The following LRP1B variants were observed in gnomAD, a reference collection of about 807,000 sequenced individuals.
LRP1B encodes LDL receptor related protein 1B, also known as low-density lipoprotein receptor-related protein 1B.
In LRP1B, 217 loss-of-function variants were observed where a neutral mutation model predicts 556.6. The ratio of observed to expected loss-of-function variants is 0.39; its 90% CI spans 0.35 to 0.44. The LOEUF is 0.44. LRP1B is among the 20% of genes least tolerant of loss of function. LRP1B has a pLI of 1.00. For synonymous variants in LRP1B, 2,047 were observed against 1,865.8 expected, an observed-to-expected ratio of 1.10 and a Z score of -2.50; for missense variants, 5,053 against 5,620.8, an observed-to-expected ratio of 0.90 and a Z score of 3.23.
intron 58 of LRP1B, among the ~76,000 whole-genome samples, chr2:140,486,956 TTAAAG>T (rs1688496324): frequency 6.6e-6 from 1 of 151,826 alleles, no homozygotes; most frequent in Non-Finnish European, 1.5e-5. Context: ...TACAAAAAAG[TTAAAG>T]TAATTGATGG....
At chr2:140,818,809 C>T (rs189334974) in intron 31 of LRP1B, among the ~76,000 whole-genome samples, 2 of 151,918 alleles carry the variant, frequency 1.3e-5, no homozygotes, top group South Asian at 2.1e-4. Context: ...TGGTGTCACA[C>T]GCCTGTAGTT....
chr2:140,775,925 T>C (rs552059808), intron 33 of LRP1B, among the ~76,000 whole-genome samples, 173 bp downstream of exon 33: 2 of 152,314 alleles, frequency 1.3e-5, no homozygotes, highest in South Asian at 2.1e-4. Flanking sequence ...CAAAGCTCAT[T>C]ATGCATCTAT....
chr2:141,151,102 T>C (rs1046383630), intron 7 of LRP1B, among the ~76,000 whole-genome samples: 2 of 152,200 alleles, frequency 1.3e-5, no homozygotes, highest in Admixed American at 6.5e-5. Flanking sequence ...AGATTTATGT[T>C]GCAGTAACAA....
At chr2:140,776,618 T>A (rs1689509687) in intron 32 of LRP1B, among the ~76,000 whole-genome samples, 1 of 152,010 alleles carries the variant, frequency 6.6e-6, no homozygotes, top group African/African-American at 2.4e-5. Flanking sequence ...ACGATACGTA[T>A]TTGTAAATAA....
intron 6 of LRP1B, among the ~76,000 whole-genome samples, chr2:141,202,303 A>C (rs1385239935): frequency 6.6e-6 from 1 of 152,186 alleles, no homozygotes; most frequent in Non-Finnish European, 1.5e-5. Context: ...TATTTTCCGT[A>C]TCTAGTCTAC....
At chr2:140,568,452 T>C (rs1185553626) in intron 43 of LRP1B, among the ~76,000 whole-genome samples, 1 of 151,504 alleles carries the variant, frequency 6.6e-6, no homozygotes, top group Non-Finnish European at 1.5e-5. Context: ...GAAGAAATAA[T>C]GAAAAAAAGT....
intron 1 of LRP1B, among the ~76,000 whole-genome samples, chr2:141,900,343 A>G (rs1213759102): frequency 6.6e-6 from 1 of 152,114 alleles, no homozygotes; most frequent in Non-Finnish European, 1.5e-5. Flanking sequence ...TGGATATGAC[A>G]CTGTTTGCAG....
chr2:140,448,175 C>G (rs1428644633), intron 63 of LRP1B, among the ~76,000 whole-genome samples: 3 of 152,050 alleles, frequency 2.0e-5, no homozygotes, highest in Non-Finnish European at 2.9e-5. Context: ...TTGATGCAGC[C>G]TTGTCATAAA....
intron 55 of LRP1B, among the ~76,000 whole-genome samples, chr2:140,498,791 T>C (rs892733599): frequency 5.3e-5 from 8 of 151,888 alleles, no homozygotes; most frequent in Non-Finnish European, 1.2e-4. Context: ...GCATAATATA[T>C]ACATGTGTAT....
intron 77 of LRP1B, among the ~76,000 whole-genome samples, chr2:140,341,179 A>G: frequency 6.6e-6 from 1 of 151,658 alleles, no homozygotes; most frequent in East Asian, 1.9e-4. Flanking sequence ...CATCCATCAA[A>G]TTCATTCAGA....
intron 41 of LRP1B, among the ~76,000 whole-genome samples, chr2:140,698,341 A>G (rs904134106): frequency 6.6e-6 from 1 of 152,092 alleles, no homozygotes; most frequent in African/African-American, 2.4e-5. Flanking sequence ...ATATCTATTT[A>G]CCATATTAGA....
chr2:142,052,203 CT>C (rs1422340599), intron 1 of LRP1B, among the ~76,000 whole-genome samples: 1 of 152,002 alleles, frequency 6.6e-6, no homozygotes, highest in Non-Finnish European at 1.5e-5. Flanking sequence ...AAACGTCTAC[CT>C]GAGTATTAAG....
chr2:140,618,560 A>G (rs557547527), intron 41 of LRP1B, among the ~76,000 whole-genome samples: 29 of 152,314 alleles, frequency 1.9e-4, no homozygotes, highest in Non-Finnish European at 3.2e-4. Flanking sequence ...AAAGAAAATA[A>G]TATCTCTTCA....
chr2:141,696,025 T>C (rs998709397), intron 2 of LRP1B, among the ~76,000 whole-genome samples: 1 of 152,016 alleles, frequency 6.6e-6, no homozygotes, highest in Non-Finnish European at 1.5e-5. Context: ...CCTTGCTTTA[T>C]ACAAATCTAT....
At chr2:140,364,905 A>G in intron 71 of LRP1B, 122 bp from the exon 72 acceptor site, 1 of 715,926 alleles carries the variant, frequency 1.4e-6, no homozygotes, top group Non-Finnish European at 2.2e-6. Flanking sequence ...TATGTATTAT[A>G]TTTATTTCAA....
intron 60 of LRP1B, among the ~76,000 whole-genome samples, chr2:140,463,828 T>C (rs1396138257): frequency 6.6e-6 from 1 of 152,152 alleles, no homozygotes; most frequent in Non-Finnish European, 1.5e-5. Context: ...CAAAATAAAC[T>C]TGTGTCTCTC....
chr2:140,562,741 C>T (rs1452881220), intron 43 of LRP1B, among the ~76,000 whole-genome samples: 1 of 152,126 alleles, frequency 6.6e-6, no homozygotes, highest in African/African-American at 2.4e-5. Flanking sequence ...CTGCCTCAGC[C>T]TCCTGAGTAG....
intron 2 of LRP1B, among the ~76,000 whole-genome samples, chr2:141,700,716 A>G (rs1237488307): frequency 6.6e-6 from 1 of 151,828 alleles, no homozygotes; most frequent in African/African-American, 2.4e-5. Context: ...AAATCCAGCC[A>G]TAAAACCTAA....
chr2:140,308,275 CTATT>C (rs1034121377), intron 83 of LRP1B, among the ~76,000 whole-genome samples: 15 of 151,636 alleles, frequency 9.9e-5, no homozygotes, highest in Middle Eastern at 3.2e-3. Context: ...AATTTAATGA[CTATT>C]TAATGTCAAA....
Sources: allele counts gnomAD v4.1 joint callset (sites outside exome capture counted in the v4.1 genomes callset), GRCh38; gene constraint gnomAD v4.1.1; transcripts MANE v1.5; gene names NCBI Gene and HGNC (gene_info 2026-07-23, HGNC 2026-07-21).